GBF1: variants seen among roughly 807,000 people sequenced by gnomAD.
The protein encoded by GBF1 is golgi brefeldin A resistant guanine nucleotide exchange factor 1.
GBF1 carries 114 observed loss-of-function variants against 210.5 expected under a neutral mutation model. That is an observed-to-expected ratio of 0.54 (90% CI 0.47 to 0.63). The LOEUF (loss-of-function observed/expected upper bound fraction) is 0.63. GBF1 is among the 30% of genes least tolerant of loss of function. The pLI, the probability that GBF1 is intolerant of heterozygous loss-of-function variation, is 0.00. For synonymous variants in GBF1, 850 were observed against 889.2 expected (o/e 0.96, Z 0.78); for missense variants, 1,851 against 2,357.7 (o/e 0.79, Z 4.45).
chr10:102,246,344 G>A (rs933852582), intron 1 of GBF1, among the ~76,000 whole-genome samples: 2 of 152,164 alleles, frequency 1.3e-5, no homozygotes, highest in African/African-American at 4.8e-5. Flanking sequence ...CTATGAGAAG[G>A]CTTCCCTCTT....
upstream of GBF1, among the ~76,000 whole-genome samples, chr10:102,244,630 C>T (rs1564999297): frequency 6.6e-6 from 1 of 152,058 alleles, no homozygotes. Context: ...GGCTAAGCTG[C>T]GTATTTAGCC....
intron 1 of GBF1, among the ~76,000 whole-genome samples, chr10:102,251,362 AAG>A (rs1418511464): frequency 1.3e-5 from 2 of 152,050 alleles, no homozygotes; most frequent in African/African-American, 4.8e-5. Flanking sequence ...ACCACTCTTG[AAG>A]AGTCAGTCTT....
chr10:102,351,673 G>A (rs2058986924), intron 5 of GBF1, among the ~76,000 whole-genome samples, 170 bp from the exon 6 acceptor site: 1 of 152,212 alleles, frequency 6.6e-6, no homozygotes, highest in Non-Finnish European at 1.5e-5. Flanking sequence ...AATCAGTTCT[G>A]AAATATGTCA....
intron 3 of GBF1, among the ~76,000 whole-genome samples, chr10:102,299,697 G>A (rs1482204796): frequency 5.3e-5 from 8 of 152,094 alleles, no homozygotes; most frequent in African/African-American, 1.2e-4. Flanking sequence ...CAGGAGAATC[G>A]CTTGAACCCG....
chr10:102,254,890 T>C (rs1309044572), intron 1 of GBF1, among the ~76,000 whole-genome samples: 3 of 152,204 alleles, frequency 2.0e-5, no homozygotes, highest in Non-Finnish European at 4.4e-5. Flanking sequence ...GGCCATTGGC[T>C]ACCAGGCAGC....
chr10:102,314,384 C>T (rs2078753930), intron 3 of GBF1, among the ~76,000 whole-genome samples: 4 of 152,034 alleles, frequency 2.6e-5, no homozygotes, highest in African/African-American at 9.7e-5. Flanking sequence ...TGGGCTCAAG[C>T]AGTCCTCCCG....
At chr10:102,275,868 C>T (rs1565046306) in intron 3 of GBF1, among the ~76,000 whole-genome samples, 1 of 152,234 alleles carries the variant, frequency 6.6e-6, no homozygotes, top group Non-Finnish European at 1.5e-5. Context: ...GGTTCTCAGA[C>T]TCCAAGTAGG....
chr10:102,380,838 T>C (rs2060799847), intron 38 of GBF1, 152 bp downstream of exon 38: 3 of 741,538 alleles, frequency 4.0e-6, no homozygotes, highest in Admixed American at 4.8e-5. Context: ...TGAAACCCCA[T>C]GTCTACGAAA....
the GBF1 span, among the ~76,000 whole-genome samples, chr10:102,238,388 T>A: frequency 6.6e-6 from 1 of 152,166 alleles, no homozygotes; most frequent in Non-Finnish European, 1.5e-5. Flanking sequence ...AATGTTCCCA[T>A]CCCTGAGCAG....
intron 3 of GBF1, among the ~76,000 whole-genome samples, chr10:102,343,172 A>G (rs1469508982): frequency 6.6e-6 from 1 of 152,184 alleles, no homozygotes; most frequent in Non-Finnish European, 1.5e-5. Context: ...TGACTAAGAG[A>G]CTGCTCAGCC....
At chr10:102,360,473 A>G (rs1306251097) in intron 12 of GBF1, 78 bp downstream of exon 12, 4 of 964,564 alleles carry the variant, frequency 4.1e-6, no homozygotes, top group East Asian at 2.4e-5. Flanking sequence ...CTGATTACGC[A>G]AAGAGTATAG....
At chr10:102,321,062 C>G (rs1249699080) in intron 3 of GBF1, among the ~76,000 whole-genome samples, 3 of 152,172 alleles carry the variant, frequency 2.0e-5, no homozygotes. Context: ...TCCCGAAGTG[C>G]TGGGATTACA....
intron 3 of GBF1, among the ~76,000 whole-genome samples, chr10:102,270,039 C>T (rs368333056): frequency 1.4e-4 from 21 of 152,058 alleles, no homozygotes; most frequent in South Asian, 2.1e-4. Context: ...CCACCATGCC[C>T]GGCTAATTTT....
intron 3 of GBF1, among the ~76,000 whole-genome samples, chr10:102,275,084 C>T (rs2074828468): frequency 6.7e-6 from 1 of 150,248 alleles, no homozygotes; most frequent in South Asian, 2.1e-4. Context: ...CAATCTCCTG[C>T]CCTCAAGTGA....
chr10:102,335,206 G>A (rs1485464883), intron 3 of GBF1, among the ~76,000 whole-genome samples: 1 of 152,168 alleles, frequency 6.6e-6, no homozygotes. Flanking sequence ...TCCAATGGGG[G>A]GTTAGATTTC....
At chr10:102,355,505 G>A (rs11191268) in intron 8 of GBF1, among the ~76,000 whole-genome samples, 3,893 of 152,326 alleles carry the variant, frequency 0.026, 71 homozygotes, top group Non-Finnish European at 0.037. Flanking sequence ...CTTAGGAGAG[G>A]GAGAATAGCT....
chr10:102,234,681 A>G, the GBF1 span, among the ~76,000 whole-genome samples: 8 of 152,100 alleles, frequency 5.3e-5, no homozygotes, highest in African/African-American at 9.7e-5. Flanking sequence ...TTGAAATGCA[A>G]ATCATCCCCC....
intron 3 of GBF1, among the ~76,000 whole-genome samples, chr10:102,306,883 A>G (rs772009): frequency 0.99 from 150,984 of 152,374 alleles, 74,821 homozygotes; most frequent in East Asian, 1. Context: ...CTGTGAACTG[A>G]TCCATGTGTC....
intron 3 of GBF1, among the ~76,000 whole-genome samples, chr10:102,290,899 C>G (rs1008523465): frequency 7.2e-5 from 11 of 152,182 alleles, no homozygotes; most frequent in African/African-American, 2.4e-4. Flanking sequence ...TTTCTAACTT[C>G]TCTTTAATTT....
Sources: gnomAD v4.1 joint callset for allele counts (sites outside exome capture counted in the v4.1 genomes callset) on GRCh38, gnomAD v4.1.1 for gene constraint, MANE v1.5 for transcripts, NCBI Gene and HGNC (gene_info 2026-07-23, HGNC 2026-07-21) for gene names.